Variants in PDE6D observed in about 807,000 individuals in gnomAD.
PDE6D encodes retinal rod rhodopsin-sensitive cGMP 3',5'-cyclic phosphodiesterase subunit delta.
In PDE6D, 10 loss-of-function variants were observed where a neutral mutation model predicts 21.9. That is an observed-to-expected ratio of 0.46 (90% CI 0.28 to 0.78). The LOEUF (loss-of-function observed/expected upper bound fraction) is 0.78, where lower values mean the gene tolerates loss of function less well. PDE6D is among the 30% of genes least tolerant of loss of function. The pLI is 0.12. For synonymous variants in PDE6D, 59 were observed against 63.5 expected, an observed-to-expected ratio of 0.93 and a Z score of 0.34; for missense variants, 139 against 184.8, an observed-to-expected ratio of 0.75 and a Z score of 1.44.
In PDE6D at chr2:231,739,928, A is replaced by G. The variant is rs541748172; in HGVS notation, c.51-740T>C. 1.3e-5 allele frequency among the ~76,000 whole-genome samples: 2 copies of G among 152,292 alleles called. No individual in the cohort carries two copies. Among genetic ancestry groups the G allele is most frequent in the African/African-American group, 4.8e-5 (2 of 41,572 alleles). On this transcript the variant is annotated intron_variant, in intron 1 of 4. Transcript: ENST00000287600. The surrounding 1 kb of genome is among the most constrained non-coding windows in gnomAD (Gnocchi z 4.2). ...TTTAAATATGAGAAGATAGCCAAGTATCAACAGAAATTTAAGAAAGCATTT... is the reference window on the plus strand; with the variant it reads ...TTTAAATATGAGAAGATAGCCAAGTGTCAACAGAAATTTAAGAAAGCATTT...
At chr2:231,775,818 G>A (rs1370123853) in intron 1 of PDE6D, among the ~76,000 whole-genome samples, 1 of 151,780 alleles carries the variant, frequency 6.6e-6, no homozygotes, top group Non-Finnish European at 1.5e-5. Flanking sequence ...AATAAATGGA[G>A]ACAATAAGCC....
At chr2:231,746,755 A>G (rs896714079) in intron 1 of PDE6D, among the ~76,000 whole-genome samples, 6 of 152,172 alleles carry the variant, frequency 3.9e-5, no homozygotes, top group African/African-American at 1.2e-4. Context: ...AGAGAAAAGA[A>G]ACACGGGGGA....
rs567537640 is a variant in PDE6D at position 231,744,351 on chromosome 2, A to G, written c.51-5163T>C. Among the ~76,000 whole-genome samples the G allele has an allele frequency of 6.6e-5, 10 of 152,326 alleles. 1 individual carries two copies. In the South Asian group the frequency reaches 2.1e-3, roughly 32 times the overall value. ...AGCTCCCCTTATTTCAAGGGAGAGA[A>G]GTAGCTAAAAATACATGGTTGATTT... On this transcript the variant is annotated intron_variant, in intron 1 of 4. Transcript: ENST00000287600.
rs1272839594 is a variant in PDE6D at position 231,739,089 on chromosome 2, T to A, written c.139+11A>T. 1 of 1,565,206 alleles carries A rather than the reference T, an allele frequency of 6.4e-7. No homozygotes were observed. On this transcript the variant is annotated intron_variant, in intron 2 of 4. Coordinates refer to ENST00000287600, the MANE Select transcript of PDE6D (RefSeq NM_002601.4). The surrounding 1 kb of genome is among the most constrained non-coding windows in gnomAD (Gnocchi z 4.2). The stretch of plus-strand genomic sequence containing the variant: ...GTCACAGCCCTGTGTAGATAAAGGG[T>A]TGGAAAGTACCTTCATGCTCCACAC...
intron 2 of PDE6D, among the ~76,000 whole-genome samples, 181 bp downstream of exon 2, chr2:231,738,919 C>CAAAAAAAAAAAAAAAAAAAAAAAAAA (rs1157734125): frequency 1.6e-5 from 1 of 62,648 alleles, no homozygotes; most frequent in Non-Finnish European, 2.8e-5. Flanking sequence ...GACTGTGTCT[C>CAAAAAAAAAAAAAAAAAAAAAAAAAA]AAAAAAAAAA....
chr2:231,770,533 A>G (rs2049006410), intron 1 of PDE6D, among the ~76,000 whole-genome samples: 1 of 152,178 alleles, frequency 6.6e-6, no homozygotes, highest in Non-Finnish European at 1.5e-5. Flanking sequence ...CACTGAGACA[A>G]GGGCTGGGCA....
intron 1 of PDE6D, among the ~76,000 whole-genome samples, chr2:231,771,353 G>T (rs2049014392): frequency 6.6e-6 from 1 of 152,150 alleles, no homozygotes; most frequent in Non-Finnish European, 1.5e-5. Flanking sequence ...GTATACTGTA[G>T]AAAACATGGA....
intron 1 of PDE6D, among the ~76,000 whole-genome samples, chr2:231,757,693 T>C (rs975841553): frequency 6.6e-6 from 1 of 152,254 alleles, no homozygotes; most frequent in Non-Finnish European, 1.5e-5. Flanking sequence ...TATAAAAGCC[T>C]ATCTAATAAT....
At chr2:231,762,995 C>T (rs1415404563) in intron 1 of PDE6D, among the ~76,000 whole-genome samples, 1 of 152,008 alleles carries the variant, frequency 6.6e-6, no homozygotes, top group African/African-American at 2.4e-5. Context: ...TGGTATGCTC[C>T]ATATTGCAAC....
At position 231,738,111 on chromosome 2, in the gene PDE6D, C is replaced by T. The variant is rs1342861994; in HGVS notation, c.167G>A (p.Cys56Tyr). ...EARVPKKILK[C>Y]KAVSRELNFS... ...ATTAAGTTCTCGAGACACTGCCTTG[C>T]ACTTGAGGATTTTCTTGGGAACACG... The change falls in exon 3 of 5, where the codon TGC (cysteine) becomes TAC (tyrosine). Residue 56 changes from cysteine (C) to tyrosine (Y), a missense_variant. By Grantham distance (194) the Cys-to-Tyr change is radical. Transcript: ENST00000287600. 1.9e-6 allele frequency: 3 copies of T among 1,612,912 alleles called. No homozygotes were observed. The highest frequency in any genetic ancestry group is 2.7e-5 in the African/African-American group (2 of 74,862).
chr2:231,739,394 A>G lies in PDE6D; in HGVS notation c.51-206T>C. 1 of 673,208 alleles carries G rather than the reference A, an allele frequency of 1.5e-6. No individual in the cohort carries two copies. Among genetic ancestry groups the G allele is most frequent in the South Asian group, 1.4e-5 (1 of 70,602 alleles). The allele number at this position is 673,208 out of a possible 1,614,324, so 41.7% of individuals were successfully genotyped here. A position where few individuals can be genotyped will look rare whatever the true frequency, so the allele number is the denominator to read the frequency against. ...GCAGAAACCTAGAGAAGTTACTTTT[A>G]TCTATGAGAATCCTAAGACTGCACA... On this transcript the variant is annotated intron_variant, in intron 1 of 4. Transcript: ENST00000287600. This position sits in a 1 kb window ranked among gnomAD's most constrained non-coding sequence, Gnocchi z 4.2.
intron 1 of PDE6D, among the ~76,000 whole-genome samples, chr2:231,779,959 GC>G (rs1306541053): frequency 6.6e-6 from 1 of 152,228 alleles, no homozygotes; most frequent in Non-Finnish European, 1.5e-5. Context: ...CAAGGGAGGA[GC>G]CCTGAAGTGG....
intron 1 of PDE6D, among the ~76,000 whole-genome samples, chr2:231,766,278 G>A (rs1344544862): frequency 1.3e-5 from 2 of 152,200 alleles, no homozygotes; most frequent in Non-Finnish European, 2.9e-5. Flanking sequence ...AAGTAATTTA[G>A]TAATGAGAAA....
In PDE6D at chr2:231,762,946, AG is replaced by A. The variant is rs61484345; in HGVS notation, c.50+18118del. On this transcript the variant is annotated intron_variant, in intron 1 of 4. Coordinates refer to ENST00000287600, the MANE Select transcript of PDE6D (RefSeq NM_002601.4). ...AGACCCCATCTCTACTAAAAAAAAA[AG>A]AAAAGAAAAGAAAATTGCAGCCAGA... 8.4e-3 allele frequency among the ~76,000 whole-genome samples: 1,269 copies of A among 151,766 alleles called. 14 individuals are homozygous for A. The highest frequency in any genetic ancestry group is 0.029 in the African/African-American group (1,181 of 41,332).
chr2:231,733,040 G>A lies in PDE6D; in HGVS notation c.372-7C>T. ...TTCTATGATAACGTTCCCACTGTAA[G>A]TAAGAAGAGAAACAGAGGGCAAAAG... On this transcript the variant is annotated splice_polypyrimidine_tract_variant and splice_region_variant and intron_variant, in intron 4 of 4. Transcript: ENST00000287600. The A allele has an allele frequency of 1.3e-6, 2 of 1,577,184 alleles. No homozygotes were observed. The highest frequency in any genetic ancestry group is 1.7e-6 in the Non-Finnish European group (2 of 1,146,678).
chr2:231,750,689 G>C (rs1341759125), intron 1 of PDE6D, among the ~76,000 whole-genome samples: 3 of 83,490 alleles, frequency 3.6e-5, no homozygotes, highest in Admixed American at 1.4e-4. Flanking sequence ...TTTTTTTTTA[G>C]TATAGACTGG....
At chr2:231,735,658 G>T (rs1023213431) in intron 4 of PDE6D, among the ~76,000 whole-genome samples, 1 of 151,588 alleles carries the variant, frequency 6.6e-6, no homozygotes, top group South Asian at 2.1e-4. Context: ...CAATCCTCCC[G>T]CCTCAGCTTC....
intron 1 of PDE6D, among the ~76,000 whole-genome samples, chr2:231,762,024 CA>C (rs988361936): frequency 6.6e-6 from 1 of 152,172 alleles, no homozygotes; most frequent in Admixed American, 6.5e-5. Context: ...CAGACTTCCT[CA>C]AATATACCAT....
At chr2:231,748,690 A>G (rs1665091195) in intron 1 of PDE6D, among the ~76,000 whole-genome samples, 1 of 152,212 alleles carries the variant, frequency 6.6e-6, no homozygotes, top group East Asian at 1.9e-4. Flanking sequence ...CCAGAGGCCC[A>G]GGAGGAAAAA....
Sources: allele counts gnomAD v4.1 joint callset (sites outside exome capture counted in the v4.1 genomes callset), GRCh38; gene constraint gnomAD v4.1.1; non-coding constraint Gnocchi (gnomAD v3.1); transcripts MANE v1.5; gene names NCBI Gene and HGNC (gene_info 2026-07-23, HGNC 2026-07-21).